The following PTPRN2 variants were observed in gnomAD, a reference collection of about 807,000 sequenced individuals.
PTPRN2 encodes protein tyrosine phosphatase receptor type N2.
A neutral mutation model predicts 118.8 loss-of-function variants in PTPRN2; 74 were observed. The observed-to-expected ratio is 0.62, with a 90% CI of 0.52 to 0.76. PTPRN2 has a LOEUF of 0.76. Among genes scored for constraint, PTPRN2 ranks in the 30% least tolerant of loss-of-function variants. The probability of loss-of-function intolerance (pLI) is 0.00; values close to 1 mark genes in which losing one functional copy is unlikely to be tolerated. For missense variants in PTPRN2, 1,481 were observed against 1,394.4 expected (o/e 1.06, Z -0.99); for synonymous variants, 641 against 608.0 (o/e 1.05, Z -0.80).
intron 11 of PTPRN2, among the ~76,000 whole-genome samples, chr7:158,053,699 G>A: frequency 6.7e-6 from 1 of 149,418 alleles, no homozygotes; most frequent in South Asian, 2.1e-4. Flanking sequence ...AAGATGCAGA[G>A]ACCCCAGAGA....
intron 14 of PTPRN2, among the ~76,000 whole-genome samples, chr7:157,633,061 A>G (rs1021153432): frequency 2.0e-5 from 3 of 152,004 alleles, no homozygotes; most frequent in Non-Finnish European, 2.9e-5. Context: ...TAAGCCAGGG[A>G]TGACCTAGGT....
chr7:158,321,165 C>T (rs371121757), intron 2 of PTPRN2, among the ~76,000 whole-genome samples: 81 of 152,244 alleles, frequency 5.3e-4, no homozygotes, highest in Middle Eastern at 3.4e-3. Context: ...CCAAAGCTCC[C>T]ACCAGTCCAG....
chr7:158,518,931 G>C (rs1823773066), intron 1 of PTPRN2, among the ~76,000 whole-genome samples: 1 of 152,176 alleles, frequency 6.6e-6, no homozygotes, highest in South Asian at 2.1e-4. Context: ...GTTGCAGTGA[G>C]CTGAGATTAC....
chr7:158,480,842 A>G (rs1820594921), intron 2 of PTPRN2, among the ~76,000 whole-genome samples: 1 of 152,172 alleles, frequency 6.6e-6, no homozygotes. Context: ...GCAGAAGAAA[A>G]CTCTGAAGCT....
chr7:157,971,372 C>A (rs1802317484), intron 11 of PTPRN2, among the ~76,000 whole-genome samples: 1 of 152,170 alleles, frequency 6.6e-6, no homozygotes, highest in Admixed American at 6.5e-5. Context: ...GGATATTCCA[C>A]CCCAGTGCAG....
intron 4 of PTPRN2, among the ~76,000 whole-genome samples, chr7:158,193,541 G>A (rs553422356): frequency 1.1e-4 from 16 of 152,020 alleles, no homozygotes; most frequent in South Asian, 2.1e-4. Context: ...GAGGATGTCC[G>A]TGGCCCCCTG....
At chr7:157,731,595 G>C (rs1245271338) in intron 12 of PTPRN2, among the ~76,000 whole-genome samples, 1 of 119,414 alleles carries the variant, frequency 8.4e-6, no homozygotes, top group Admixed American at 8.3e-5. Flanking sequence ...TCCACCCCAT[G>C]CGCCCAGCAC....
At chr7:158,423,078 AG>A (rs1339110190) in intron 2 of PTPRN2, among the ~76,000 whole-genome samples, 2 of 152,282 alleles carry the variant, frequency 1.3e-5, no homozygotes, top group Non-Finnish European at 2.9e-5. Context: ...CAAAGCAACA[AG>A]GAAGCCTGAG....
intron 5 of PTPRN2, among the ~76,000 whole-genome samples, chr7:158,191,325 C>T (rs940245153): frequency 6.6e-6 from 1 of 152,170 alleles, no homozygotes; most frequent in African/African-American, 2.4e-5. Flanking sequence ...CTGTCTCACA[C>T]CAGCATGGCT....
intron 12 of PTPRN2, among the ~76,000 whole-genome samples, chr7:157,793,610 G>A (rs900912213): frequency 2.0e-5 from 3 of 152,128 alleles, no homozygotes; most frequent in African/African-American, 4.8e-5. Context: ...CTCGCCCTCC[G>A]GCTGTCAGGA....
chr7:158,159,236 C>G (rs1190579673), intron 6 of PTPRN2, among the ~76,000 whole-genome samples: 2 of 152,170 alleles, frequency 1.3e-5, no homozygotes, highest in Non-Finnish European at 2.9e-5. Flanking sequence ...TGGGAATAAC[C>G]ACGCGAAGCG....
At chr7:157,969,859 G>A (rs1205289963) in intron 11 of PTPRN2, among the ~76,000 whole-genome samples, 1 of 152,118 alleles carries the variant, frequency 6.6e-6, no homozygotes, top group Non-Finnish European at 1.5e-5. Flanking sequence ...AGAGAGGAGA[G>A]GAAGAAATGA....
At chr7:157,703,556 T>C (rs1798183126) in intron 12 of PTPRN2, among the ~76,000 whole-genome samples, 1 of 152,008 alleles carries the variant, frequency 6.6e-6, no homozygotes, top group Non-Finnish European at 1.5e-5. Context: ...GGGTAACTAC[T>C]GGAGCTAGCA....
Position 157,986,525 on chromosome 7 carries a change from G to A in PTPRN2, c.1724-87788C>T, listed in dbSNP as rs1361029422. On this transcript the variant is annotated intron_variant, in intron 11 of 22. Transcript: ENST00000389418. This position sits in a 1 kb window ranked among gnomAD's most constrained non-coding sequence, Gnocchi z 4.5. ...CACAGGCCATGCCTGCCTCTCCCAG[G>A]TGGCATCTCCTCTCTGTGGTCCTTT... 2.0e-5 allele frequency among the ~76,000 whole-genome samples: 3 copies of A among 152,124 alleles called. No individual in the cohort carries two copies. The highest frequency in any genetic ancestry group is 2.9e-5 in the Non-Finnish European group (2 of 68,024).
At position 158,265,457 on chromosome 7, in the gene PTPRN2, G is replaced by A. The variant is rs562916887; in HGVS notation, c.277+51362C>T. On this transcript the variant is annotated intron_variant, in intron 3 of 22. Coordinates refer to ENST00000389418, the MANE Select transcript of PTPRN2 (RefSeq NM_002847.5). ...GCACACCTGCAGGCAGGTACACACC[G>A]ACGGGACACACCTGGAGGTAGGCAC... Among the ~76,000 whole-genome samples the A allele has an allele frequency of 7.2e-5, 11 of 151,998 alleles. No individual in the cohort carries two copies. In the East Asian group the frequency reaches 7.8e-4, roughly 11 times the overall value.
chr7:157,657,414 TAC>T (rs1298524345), intron 13 of PTPRN2, among the ~76,000 whole-genome samples: 56 of 102,580 alleles, frequency 5.5e-4, no homozygotes, highest in African/African-American at 2.1e-3. Flanking sequence ...ATCACACATA[TAC>T]ACACACATAC....
Position 157,622,332 on chromosome 7 carries a change from T to G in PTPRN2, c.2197-823A>C, listed in dbSNP as rs1803304616. ...TTCCAAGTGTGTCCACACGAGAAAATAAAGCATGCATGTGTACACATGGTC... is the reference window on the plus strand; with the variant it reads ...TTCCAAGTGTGTCCACACGAGAAAAGAAAGCATGCATGTGTACACATGGTC... On this transcript the variant is annotated intron_variant, in intron 14 of 22. Coordinates refer to ENST00000389418, the MANE Select transcript of PTPRN2 (RefSeq NM_002847.5). This position sits in a 1 kb window ranked among gnomAD's most constrained non-coding sequence, Gnocchi z 5.3. Among the ~76,000 whole-genome samples the G allele has an allele frequency of 6.6e-6, 1 of 151,976 alleles. No homozygotes were observed. The highest frequency in any genetic ancestry group is 6.6e-5 in the Admixed American group (1 of 15,264).
rs1326769125 is a variant in PTPRN2 at position 157,603,980 on chromosome 7, C to T, written c.2418+22G>A. On this transcript the variant is annotated intron_variant, in intron 16 of 22. Coordinates refer to ENST00000389418, the MANE Select transcript of PTPRN2 (RefSeq NM_002847.5). The surrounding 1 kb of genome is among the most constrained non-coding windows in gnomAD (Gnocchi z 5.4). ...GCCACCCAAGGGAAAGCCTGGGGCCCCTGTCCCGGCAGTGCACTTACGATG... is the reference window on the plus strand; with the variant it reads ...GCCACCCAAGGGAAAGCCTGGGGCCTCTGTCCCGGCAGTGCACTTACGATG... The T allele has an allele frequency of 1.9e-6, 3 of 1,611,602 alleles. No homozygotes were observed. The highest frequency in any genetic ancestry group is 1.1e-5 in the South Asian group (1 of 91,014).
At chr7:158,049,592 C>T (rs534417600) in intron 11 of PTPRN2, among the ~76,000 whole-genome samples, 18 of 152,224 alleles carry the variant, frequency 1.2e-4, no homozygotes, top group Non-Finnish European at 1.2e-4. Flanking sequence ...GCTGATCCCA[C>T]ATGGTCCTCA....
Sources: allele counts gnomAD v4.1 joint callset (sites outside exome capture counted in the v4.1 genomes callset), GRCh38; gene constraint gnomAD v4.1.1; non-coding constraint Gnocchi (gnomAD v3.1); transcripts MANE v1.5; gene names NCBI Gene and HGNC (gene_info 2026-07-23, HGNC 2026-07-21).